The following RAB5A variants were observed in gnomAD, a reference collection of about 807,000 sequenced individuals.
The protein encoded by RAB5A is RAB5A, member RAS oncogene family.
A neutral mutation model predicts 25.7 loss-of-function variants in RAB5A; 8 were observed. The observed-to-expected ratio is 0.31, with a 90% CI of 0.18 to 0.56. RAB5A has a LOEUF of 0.56. Among genes scored for constraint, RAB5A ranks in the 20% least tolerant of loss-of-function variants. The probability of loss-of-function intolerance (pLI) is 0.91; values close to 1 mark genes in which losing one functional copy is unlikely to be tolerated. For synonymous variants in RAB5A, 98 were observed against 89.8 expected (o/e 1.09, Z -0.52); for missense variants, 192 against 259.7 (o/e 0.74, Z 1.79).
intron 2 of RAB5A, among the ~76,000 whole-genome samples, chr3:19,961,180 C>T (rs895753428): frequency 4.6e-5 from 7 of 152,156 alleles, no homozygotes; most frequent in African/African-American, 1.7e-4. Context: ...ATTCCTAGAA[C>T]TTAAACAGGA....
intron 2 of RAB5A, among the ~76,000 whole-genome samples, chr3:19,971,616 C>T (rs1001063188): frequency 6.6e-6 from 1 of 152,052 alleles, no homozygotes; most frequent in Non-Finnish European, 1.5e-5. Context: ...GGGTTACAGG[C>T]ATGCACCACC....
chr3:19,978,499 G>A (rs1696862161), intron 5 of RAB5A, 96 bp downstream of exon 5: 3 of 772,324 alleles, frequency 3.9e-6, no homozygotes, highest in South Asian at 1.6e-5. Flanking sequence ...ATTTTTGGGG[G>A]TGGGTTTGTG....
chr3:19,974,466 T>C (rs748552248), intron 2 of RAB5A, among the ~76,000 whole-genome samples: 2 of 152,080 alleles, frequency 1.3e-5, no homozygotes, highest in Non-Finnish European at 2.9e-5. Context: ...AATGCTACTT[T>C]CCTAGTGTTA....
intron 2 of RAB5A, among the ~76,000 whole-genome samples, chr3:19,973,070 A>G (rs747798684): frequency 6.6e-6 from 1 of 152,234 alleles, no homozygotes; most frequent in Non-Finnish European, 1.5e-5. Context: ...ATTAGATATT[A>G]TAAGTAATCT....
rs746068565 is a variant in RAB5A, at chr3:19,950,991, T to C, written c.93T>C (p.Val31=). The part of the protein sequence containing the change: ...FKLVLLGESA[V]GKSSLVLRFV... ...TAGTACTTCTGGGAGAGTCCGCTGT[T>C]GGCAAATCAAGCCTAGTGCTTCGTT... The change falls in exon 2 of 6, where the codon GTT becomes GTC. Residue 31 remains valine, a synonymous_variant. Transcript: ENST00000273047. The C allele has an allele frequency of 6.2e-7, 1 of 1,614,122 alleles. No homozygotes were observed. Among genetic ancestry groups the C allele is most frequent in the Non-Finnish European group, 8.5e-7 (1 of 1,179,994 alleles).
At chr3:19,962,001 A>G (rs1040524507) in intron 2 of RAB5A, among the ~76,000 whole-genome samples, 1 of 152,120 alleles carries the variant, frequency 6.6e-6, no homozygotes, top group Non-Finnish European at 1.5e-5. Flanking sequence ...TCTCACTCTG[A>G]TCTTTTCCTT....
chr3:19,953,024 A>G (rs1051536946), intron 2 of RAB5A, among the ~76,000 whole-genome samples: 7 of 152,148 alleles, frequency 4.6e-5, no homozygotes, highest in African/African-American at 1.4e-4. Context: ...TAGGTTTGGG[A>G]CTTACTATAT....
At chr3:19,982,374 A>T (rs1696945813) in intron 5 of RAB5A, among the ~76,000 whole-genome samples, 1 of 152,158 alleles carries the variant, frequency 6.6e-6, no homozygotes, top group African/African-American at 2.4e-5. Context: ...TTTGTGTGTG[A>T]GTATGTTTCC....
At chr3:19,969,622 T>C (rs1047254522) in intron 2 of RAB5A, among the ~76,000 whole-genome samples, 7 of 152,240 alleles carry the variant, frequency 4.6e-5, no homozygotes, top group African/African-American at 9.6e-5. Flanking sequence ...TTCATATTTT[T>C]GTGTAATCAA....
chr3:19,963,979 A>AC (rs772054189), intron 2 of RAB5A, among the ~76,000 whole-genome samples: 1 of 152,192 alleles, frequency 6.6e-6, no homozygotes, highest in Non-Finnish European at 1.5e-5. Context: ...ATGTAAGCTT[A>AC]CTGCCAAGCA....
chr3:19,984,056 G>A lies in RAB5A; in HGVS notation c.*233G>A. The A allele has an allele frequency of 2.2e-6, 1 of 463,658 alleles. No individual in the cohort carries two copies. Among genetic ancestry groups the A allele is most frequent in the Non-Finnish European group, 4.0e-6 (1 of 252,266 alleles). 28.7% of individuals were successfully genotyped at this position (463,658 alleles called of 1,614,324 possible). On this transcript the variant is annotated 3_prime_UTR_variant, in exon 6 of 6. Transcript: ENST00000273047. ...AAAAATGAGAACTATGTGGACACTT[G>A]TTTCATTGGAAGGTTAGGGGGAATA...
chr3:19,950,740 T>C (rs941150846), intron 1 of RAB5A, 66 bp from the exon 2 acceptor site: 1 of 649,856 alleles, frequency 1.5e-6, no homozygotes, highest in Non-Finnish European at 2.5e-6. Context: ...AGGCAATATT[T>C]AAAGTGATTA....
At chr3:19,974,874 C>T (rs1219792387) in intron 2 of RAB5A, among the ~76,000 whole-genome samples, 1 of 152,124 alleles carries the variant, frequency 6.6e-6, no homozygotes, top group East Asian at 1.9e-4. Flanking sequence ...CACTGGGTTT[C>T]CCCCAACTTC....
At chr3:19,951,340 G>A in intron 2 of RAB5A, 1 of 275,142 alleles carries the variant, frequency 3.6e-6, no homozygotes, top group East Asian at 6.3e-5. Flanking sequence ...CATTTGACCT[G>A]ATACCTATTT....
At chr3:19,958,997 C>T (rs552621868) in intron 2 of RAB5A, among the ~76,000 whole-genome samples, 4 of 152,282 alleles carry the variant, frequency 2.6e-5, no homozygotes, top group Admixed American at 2.6e-4. Context: ...GTACTCTTCT[C>T]ATTAAACAAT....
At chr3:19,981,175 TAAAAC>T (rs1402759318) in intron 5 of RAB5A, among the ~76,000 whole-genome samples, 1 of 152,194 alleles carries the variant, frequency 6.6e-6, no homozygotes, top group Non-Finnish European at 1.5e-5. Flanking sequence ...TCTTATGTAT[TAAAAC>T]AAACTACAGC....
At chr3:19,978,613 G>T in intron 5 of RAB5A, 1 of 473,492 alleles carries the variant, frequency 2.1e-6, no homozygotes, top group South Asian at 2.9e-5. Context: ...AAATTTGAAA[G>T]ATGATTACCT....
At chr3:19,977,295 C>T (rs1013715940) in intron 4 of RAB5A, among the ~76,000 whole-genome samples, 3 of 152,052 alleles carry the variant, frequency 2.0e-5, no homozygotes, top group African/African-American at 7.2e-5. Flanking sequence ...AGGGTGGTCT[C>T]GATCTCCTGA....
chr3:19,981,044 C>T (rs1244320334), intron 5 of RAB5A, among the ~76,000 whole-genome samples: 2 of 152,108 alleles, frequency 1.3e-5, no homozygotes, highest in Admixed American at 1.3e-4. Flanking sequence ...AGAGTCTTAC[C>T]ATAGTGGTCT....
Sources: gnomAD v4.1 joint callset for allele counts (sites outside exome capture counted in the v4.1 genomes callset) on GRCh38, gnomAD v4.1.1 for gene constraint, MANE v1.5 for transcripts, NCBI Gene and HGNC (gene_info 2026-07-23, HGNC 2026-07-21) for gene names.